Variants in COPB1 observed in about 807,000 individuals in gnomAD.
The protein encoded by COPB1 is coat protein complex I subunit beta 1.
In COPB1, 21 loss-of-function variants were observed where a neutral mutation model predicts 108.7. The observed-to-expected ratio is 0.19, with a 90% CI of 0.14 to 0.28. The LOEUF (loss-of-function observed/expected upper bound fraction) is 0.28, where lower values mean the gene tolerates loss of function less well. Ranked by LOEUF, COPB1 falls within the 10% of genes least tolerant of loss-of-function variation. The pLI is 1.00. For synonymous variants in COPB1, 378 were observed against 386.8 expected, an observed-to-expected ratio of 0.98 and a Z score of 0.27; for missense variants, 919 against 1,141.3, an observed-to-expected ratio of 0.81 and a Z score of 2.81.
At chr11:14,467,023 G>A (rs532128267) in intron 16 of COPB1, among the ~76,000 whole-genome samples, 2 of 151,862 alleles carry the variant, frequency 1.3e-5, no homozygotes, top group African/African-American at 4.8e-5. Flanking sequence ...CAAAAGCATA[G>A]GCAATAAAAG....
intron 2 of COPB1, among the ~76,000 whole-genome samples, chr11:14,495,931 A>G (rs982988048): frequency 1.3e-5 from 2 of 152,244 alleles, no homozygotes; most frequent in African/African-American, 2.4e-5. Context: ...AAAGGGAAAT[A>G]TATGTGGCTT....
Position 14,480,766 on chromosome 11 carries a change from A to G in COPB1, c.1205T>C (p.Ile402Thr). 1 of 1,612,946 alleles carries G rather than the reference A, an allele frequency of 6.2e-7. No homozygotes were observed. The highest frequency in any genetic ancestry group is 8.5e-7 in the Non-Finnish European group (1 of 1,179,686). Residue 402 changes from isoleucine to threonine, a missense_variant, in exon 10 of 22, where the codon ATT becomes ACT. This residue lies in a region of COPB1 where 705 missense variants were observed against 817.8 expected (regional missense o/e 0.86). Coordinates refer to ENST00000439561, the MANE Select transcript of COPB1 (RefSeq NM_001144061.2). Reference sequence around the variant, plus strand: ...GTCATCAGAATTACATACCACAGGAATAACATTTGCAGCCATATCTGGAAA... The same window carrying G: ...GTCATCAGAATTACATACCACAGGAGTAACATTTGCAGCCATATCTGGAAA... ...VRFPDMAANVIPVLMEFLSDN... is the reference protein window; with the variant it reads ...VRFPDMAANVTPVLMEFLSDN...
At chr11:14,491,525 C>T (rs1292581778) in intron 4 of COPB1, among the ~76,000 whole-genome samples, 2 of 152,056 alleles carry the variant, frequency 1.3e-5, no homozygotes, top group Non-Finnish European at 2.9e-5. Context: ...CAAAATTAGC[C>T]AGGCGTGGTA....
chr11:14,493,909 GA>G, intron 3 of COPB1, 98 bp from the exon 4 acceptor site: 1 of 1,104,224 alleles, frequency 9.1e-7, no homozygotes, highest in Non-Finnish European at 1.2e-6. Flanking sequence ...ATACGTTTGA[GA>G]AAAAACCTAG....
rs141545721 is a variant in COPB1 at position 14,486,363 on chromosome 11, G to A, written c.837+4C>T. 424 of 1,614,066 alleles carry A rather than the reference G, an allele frequency of 2.6e-4. No homozygotes were observed. Among genetic ancestry groups the A allele is most frequent in the South Asian group, 1.1e-3 (96 of 91,076 alleles). The stretch of plus-strand genomic sequence containing the variant: ...AATCTGGCCCCAAAAGAAATACACA[G>A]TACCTTGATTGCAGTTGGTGCACTA... On this transcript the variant is annotated splice_donor_region_variant and intron_variant, in intron 7 of 21. Transcript: ENST00000439561.
chr11:14,463,018 C>T (rs1339292401), intron 18 of COPB1, among the ~76,000 whole-genome samples: 1 of 152,178 alleles, frequency 6.6e-6, no homozygotes, highest in Non-Finnish European at 1.5e-5. Context: ...CAAGATGTCC[C>T]ACAAGAAATG....
chr11:14,489,260 T>C (rs1464467773), intron 5 of COPB1, among the ~76,000 whole-genome samples: 2 of 152,220 alleles, frequency 1.3e-5, no homozygotes, highest in Non-Finnish European at 2.9e-5. Flanking sequence ...AATGGAACCC[T>C]TGTGCACTAC....
At chr11:14,483,261 C>CA in intron 7 of COPB1, 110 bp from the exon 8 acceptor site, 7 of 602,314 alleles carry the variant, frequency 1.2e-5, no homozygotes, top group South Asian at 3.9e-5. Context: ...CACACACACT[C>CA]CCATGAAGCC....
At chr11:14,458,079 T>TTC (rs1850067480) in intron 21 of COPB1, among the ~76,000 whole-genome samples, 196 bp from the exon 22 acceptor site, 2 of 145,852 alleles carry the variant, frequency 1.4e-5, no homozygotes, top group Admixed American at 6.8e-5. Flanking sequence ...ACCAGATTTT[T>TTC]TTTTTTTTTT....
chr11:14,466,843 C>G (rs1351451166), intron 16 of COPB1, among the ~76,000 whole-genome samples: 1 of 152,092 alleles, frequency 6.6e-6, no homozygotes, highest in Non-Finnish European at 1.5e-5. Context: ...AACTCAGGAT[C>G]CAAATAAAAT....
intron 14 of COPB1, among the ~76,000 whole-genome samples, chr11:14,472,663 C>T (rs1589957008): frequency 1.3e-5 from 2 of 152,210 alleles, no homozygotes; most frequent in African/African-American, 4.8e-5. Flanking sequence ...AGTGTGGTCA[C>T]CTTCACCAAT....
At chr11:14,462,534 T>C (rs1343550010) in intron 18 of COPB1, among the ~76,000 whole-genome samples, 5 of 152,178 alleles carry the variant, frequency 3.3e-5, no homozygotes, top group Admixed American at 2.6e-4. Context: ...GCCCGGCCTC[T>C]AGGCTCTTTT....
chr11:14,493,857 C>A, intron 3 of COPB1, 46 bp from the exon 4 acceptor site: 7 of 1,421,760 alleles, frequency 4.9e-6, no homozygotes, highest in African/African-American at 1.5e-5. Flanking sequence ...CAGCTTTTTA[C>A]AAAAAGAAAA....
chr11:14,468,696 T>C lies in COPB1; in HGVS notation c.2130A>G (p.Ala710=). 1 of 1,614,060 alleles carries C rather than the reference T, an allele frequency of 6.2e-7. No homozygotes were observed. The highest frequency in any genetic ancestry group is 1.3e-5 in the African/African-American group (1 of 75,056). Residue 710 remains alanine (A), a synonymous_variant, in exon 16 of 22, where the codon GCA becomes GCG. Transcript: ENST00000439561. ...TQRKEAADPL[A]SKLNKVTQLT... is the part of the protein sequence containing the mutation. ...ATTTTGTTACCTTGTTAAGTTTAGA[T>C]GCTAGGGGATCTGCTGCCTCTTTCC...
chr11:14,458,748 A>C, intron 20 of COPB1, 61 bp from the exon 21 acceptor site: 1 of 1,457,048 alleles, frequency 6.9e-7, no homozygotes, highest in Non-Finnish European at 9.3e-7. Flanking sequence ...GGCAAAAACC[A>C]AACAGCATAG....
At chr11:14,468,595 TTA>T (rs1288399838) in intron 16 of COPB1, 84 bp downstream of exon 16, 9 of 1,319,330 alleles carry the variant, frequency 6.8e-6, no homozygotes, top group East Asian at 2.3e-5. Context: ...GACAAAATAG[TTA>T]TCTTTCTTTT....
intron 4 of COPB1, among the ~76,000 whole-genome samples, chr11:14,493,203 TCA>T (rs1200867160): frequency 2.6e-5 from 4 of 152,296 alleles, no homozygotes; most frequent in African/African-American, 9.6e-5. Flanking sequence ...AGAATTGGAC[TCA>T]GTTATAACTG....
At chr11:14,497,301 G>A (rs1359401861) in intron 2 of COPB1, among the ~76,000 whole-genome samples, 1 of 150,194 alleles carries the variant, frequency 6.7e-6, no homozygotes. Flanking sequence ...TCTCACAAGG[G>A]ATTAATAACC....
At chr11:14,475,503 T>C (rs1275676032) in intron 13 of COPB1, among the ~76,000 whole-genome samples, 1 of 152,194 alleles carries the variant, frequency 6.6e-6, no homozygotes, top group Non-Finnish European at 1.5e-5. Context: ...AAAACTCAAA[T>C]ATCTTCAGTT....
Sources: allele counts gnomAD v4.1 joint callset (sites outside exome capture counted in the v4.1 genomes callset), GRCh38; gene constraint gnomAD v4.1.1; regional missense constraint gnomAD v4.1.1; transcripts MANE v1.5; gene names NCBI Gene and HGNC (gene_info 2026-07-23, HGNC 2026-07-21).